Variants in MOB4 observed in about 807,000 individuals in gnomAD.
MOB4 encodes MOB-like protein phocein.
MOB4 carries 4 observed loss-of-function variants against 32.2 expected under a neutral mutation model. The ratio of observed to expected loss-of-function variants is 0.12; its 90% CI spans 0.06 to 0.28. The LOEUF (loss-of-function observed/expected upper bound fraction) is 0.28. Among genes scored for constraint, MOB4 ranks in the 10% least tolerant of loss-of-function variants. MOB4 has a pLI of 1.00. For synonymous variants in MOB4, 88 were observed against 88.1 expected, an observed-to-expected ratio of 1.00 and a Z score of 0.01; for missense variants, 158 against 271.2, an observed-to-expected ratio of 0.58 and a Z score of 2.93.
intron 5 of MOB4, among the ~76,000 whole-genome samples, chr2:197,541,278 A>G (rs2086891172): frequency 6.6e-6 from 1 of 152,026 alleles, no homozygotes; most frequent in Non-Finnish European, 1.5e-5. Flanking sequence ...TGTCTCCAAA[A>G]TGGTCTTTAC....
At chr2:197,539,822 T>G (rs1165221413) in intron 3 of MOB4, among the ~76,000 whole-genome samples, 2 of 152,252 alleles carry the variant, frequency 1.3e-5, no homozygotes, top group Non-Finnish European at 2.9e-5. Context: ...CCTAAAAGTC[T>G]TGGTAAATAT....
intron 2 of MOB4, among the ~76,000 whole-genome samples, chr2:197,532,140 C>T (rs368075959): frequency 2.0e-5 from 3 of 152,042 alleles, no homozygotes; most frequent in African/African-American, 7.2e-5. Flanking sequence ...AACTCTTGAC[C>T]TCAGGTGATC....
Position 197,551,233 on chromosome 2 carries a change from T to G in MOB4, c.*587T>G, listed in dbSNP as rs1464231625. 6.6e-6 allele frequency: 1 copy of G among 152,440 alleles called. No individual in the cohort carries two copies. Among genetic ancestry groups the G allele is most frequent in the East Asian group, 1.9e-4 (1 of 5,336 alleles). 9.4% of individuals were successfully genotyped at this position (152,440 alleles called of 1,614,324 possible). A position where few individuals can be genotyped will look rare whatever the true frequency, so the allele number is the denominator to read the frequency against. ...ACTTAAATAATTTTACTGTGCTACA[T>G]AAAGTATAACATACTTGGAAAGGAT... On this transcript the variant is annotated 3_prime_UTR_variant, in exon 8 of 8. Coordinates refer to ENST00000323303, the MANE Select transcript of MOB4 (RefSeq NM_015387.5).
chr2:197,552,788 T>A lies in MOB4; in HGVS notation c.*2142T>A, dbSNP rs2087118782. 6.6e-6 allele frequency: 1 copy of A among 152,274 alleles called. No individual in the cohort carries two copies. The highest frequency in any genetic ancestry group is 1.5e-5 in the Non-Finnish European group (1 of 68,020). The allele number at this position is 152,274 out of a possible 1,614,324, so 9.4% of individuals were successfully genotyped here. A position where few individuals can be genotyped will look rare whatever the true frequency, so the allele number is the denominator to read the frequency against. On this transcript the variant is annotated 3_prime_UTR_variant, in exon 8 of 8. Coordinates refer to ENST00000323303, the MANE Select transcript of MOB4 (RefSeq NM_015387.5). ...TATATACATAAATACTACTAAAAAA[T>A]TAATGAGCCTGGCAAACCATTGATT...
rs192010350 is a variant in MOB4, at chr2:197,539,180, A to G, written c.225-931A>G. Among the ~76,000 whole-genome samples, 11 of 152,274 alleles carry G rather than the reference A, an allele frequency of 7.2e-5. No homozygotes were observed. In the South Asian group the frequency reaches 1.4e-3, roughly 20 times the overall value. Reference sequence around the variant, plus strand: ...TTTATCTAACCTGATACATTGAACTAAATATTAATAGGTAGGACTTTAGGA... The same window carrying G: ...TTTATCTAACCTGATACATTGAACTGAATATTAATAGGTAGGACTTTAGGA... On this transcript the variant is annotated intron_variant, in intron 3 of 7. Transcript: ENST00000323303.
intron 3 of MOB4, among the ~76,000 whole-genome samples, chr2:197,536,002 G>T (rs1339921818): frequency 6.7e-6 from 1 of 149,772 alleles, no homozygotes; most frequent in Non-Finnish European, 1.5e-5. Flanking sequence ...AGGCTCAAGT[G>T]ATCCTCCCAC....
rs535753934 is a variant in MOB4 at position 197,547,442 on chromosome 2, A to G, written c.355-894A>G. Among the ~76,000 whole-genome samples, 5 of 152,334 alleles carry G rather than the reference A, an allele frequency of 3.3e-5. No individual in the cohort carries two copies. In the East Asian group the frequency reaches 7.7e-4, roughly 23 times the overall value. On this transcript the variant is annotated intron_variant, in intron 5 of 7. Coordinates refer to ENST00000323303, the MANE Select transcript of MOB4 (RefSeq NM_015387.5). ...GGAGAAAGGTAGTTTTTTTCAATAA[A>G]TATTGCTCATGGTACTGTTTTTGGC...
chr2:197,541,301 T>A (rs1423079152), intron 5 of MOB4, among the ~76,000 whole-genome samples: 1 of 152,204 alleles, frequency 6.6e-6, no homozygotes, highest in East Asian at 1.9e-4. Flanking sequence ...CTGGGTTGTT[T>A]ATGCATTGCT....
chr2:197,524,323 G>A (rs1574628118), intron 2 of MOB4, among the ~76,000 whole-genome samples: 1 of 152,034 alleles, frequency 6.6e-6, no homozygotes, highest in East Asian at 1.9e-4. Flanking sequence ...ACTAGGTCAG[G>A]ATATCAAGAC....
intron 2 of MOB4, among the ~76,000 whole-genome samples, chr2:197,529,765 T>A (rs1016145254): frequency 3.9e-5 from 6 of 151,928 alleles, no homozygotes; most frequent in Non-Finnish European, 7.4e-5. Flanking sequence ...GCCATTCTCC[T>A]GCCTCAGCCT....
chr2:197,528,909 G>A lies in MOB4; in HGVS notation c.123+5223G>A, dbSNP rs559275189. Among the ~76,000 whole-genome samples the A allele has an allele frequency of 1.5e-4, 22 of 151,596 alleles. 1 individual carries two copies. Among genetic ancestry groups the A allele is most frequent in the African/African-American group, 5.3e-4 (22 of 41,346 alleles). On this transcript the variant is annotated intron_variant, in intron 2 of 7. Coordinates refer to ENST00000323303, the MANE Select transcript of MOB4 (RefSeq NM_015387.5). The stretch of plus-strand genomic sequence containing the variant: ...TGGGATTACAGGCGTGAGCCACCGC[G>A]CCTGGCCTCCCAATTTTCTTTGTAT...
At chr2:197,541,218 T>C (rs189415398) in intron 5 of MOB4, among the ~76,000 whole-genome samples, 89 of 152,312 alleles carry the variant, frequency 5.8e-4, no homozygotes, top group Admixed American at 9.2e-4. Flanking sequence ...CTTTTTCTTA[T>C]TTAAAAAATT....
At chr2:197,522,791 C>T (rs1250334001) in intron 1 of MOB4, among the ~76,000 whole-genome samples, 2 of 151,972 alleles carry the variant, frequency 1.3e-5, no homozygotes, top group South Asian at 2.1e-4. Context: ...CTGAAGTAGG[C>T]GGATCACGAG....
chr2:197,535,722 C>A, intron 3 of MOB4, 92 bp downstream of exon 3: 3 of 1,444,830 alleles, frequency 2.1e-6, no homozygotes, highest in Non-Finnish European at 9.4e-7. Context: ...TACTATGTAA[C>A]TGCAGACTAA....
intron 2 of MOB4, among the ~76,000 whole-genome samples, chr2:197,526,411 G>C (rs540906900): frequency 1.3e-4 from 20 of 152,232 alleles, no homozygotes; most frequent in Middle Eastern, 3.4e-3. Context: ...CTGCCACCTG[G>C]GTTCAAGCGA....
At chr2:197,527,791 G>A (rs1334496144) in intron 2 of MOB4, among the ~76,000 whole-genome samples, 1 of 152,148 alleles carries the variant, frequency 6.6e-6, no homozygotes, top group Non-Finnish European at 1.5e-5. Context: ...CCTTAATCAT[G>A]TTGGGGAAAT....
At chr2:197,519,648 C>T (rs1231061583) in intron 1 of MOB4, among the ~76,000 whole-genome samples, 2 of 152,132 alleles carry the variant, frequency 1.3e-5, no homozygotes, top group Admixed American at 1.3e-4. Flanking sequence ...ATGTCAGCAA[C>T]AATATAACAT....
At chr2:197,533,650 G>A (rs1275080045) in intron 2 of MOB4, among the ~76,000 whole-genome samples, 4 of 150,308 alleles carry the variant, frequency 2.7e-5, no homozygotes, top group Non-Finnish European at 4.4e-5. Context: ...GCTTGAACCC[G>A]GCAGGCGGAG....
chr2:197,542,570 G>A (rs754919743), intron 5 of MOB4, among the ~76,000 whole-genome samples: 41 of 152,212 alleles, frequency 2.7e-4, no homozygotes, highest in Non-Finnish European at 5.6e-4. Flanking sequence ...GAGAATTAAA[G>A]AGAGGCATTC....
Sources: gnomAD v4.1 joint callset for allele counts (sites outside exome capture counted in the v4.1 genomes callset) on GRCh38, gnomAD v4.1.1 for gene constraint, MANE v1.5 for transcripts, NCBI Gene and HGNC (gene_info 2026-07-23, HGNC 2026-07-21) for gene names.